AKR1C2: variants seen among roughly 807,000 people sequenced by gnomAD.
The protein encoded by AKR1C2 is 3-alpha-HSD3.
AKR1C2 carries 27 observed loss-of-function variants against 39.8 expected under a neutral mutation model. The ratio of observed to expected loss-of-function variants is 0.68; its 90% CI spans 0.50 to 0.93. AKR1C2 has a LOEUF of 0.93. Ranked by LOEUF, AKR1C2 falls within the 40% of genes least tolerant of loss-of-function variation. The pLI is 0.00. For missense variants in AKR1C2, 263 were observed against 365.1 expected, an observed-to-expected ratio of 0.72 and a Z score of 2.28; for synonymous variants, 114 against 137.9, an observed-to-expected ratio of 0.83 and a Z score of 1.22.
intron 7 of AKR1C2, among the ~76,000 whole-genome samples, chr10:4,993,169 T>A (rs1261925137): frequency 6.6e-6 from 1 of 152,176 alleles, no homozygotes; most frequent in Non-Finnish European, 1.5e-5. Flanking sequence ...ATAAGATGAT[T>A]CAAAATTTTA....
chr10:5,014,348 C>T (rs1415885517), intron 1 of AKR1C2, among the ~76,000 whole-genome samples: 3 of 152,192 alleles, frequency 2.0e-5, no homozygotes, highest in African/African-American at 7.2e-5. Flanking sequence ...TCGTTTTTAG[C>T]ACAAAGGTCT....
At chr10:5,007,052 A>G (rs55829146), upstream of AKR1C2, among the ~76,000 whole-genome samples, 2 of 146,128 alleles carry the variant, frequency 1.4e-5, no homozygotes, top group African/African-American at 5.1e-5. Context: ...GATTACAGGC[A>G]TTAGCCACTG....
chr10:5,011,475 T>A (rs1344650015), intron 1 of AKR1C2, among the ~76,000 whole-genome samples: 1 of 152,236 alleles, frequency 6.6e-6, no homozygotes. Context: ...TACCTAGACT[T>A]CACTACAGAT....
rs139521690 is a variant in AKR1C2, at chr10:5,000,564, G to A, written c.355C>T (p.Pro119Ser). The change falls in exon 3 of 9, where the codon CCA (proline) becomes TCA (serine). Residue 119 changes from proline (P) to serine (S), a missense_variant. Around this residue, in one of 3 missense-constraint regions of AKR1C2, gnomAD observed 247 missense variants for 267.9 expected, o/e 0.92. Coordinates refer to ENST00000380753, the MANE Select transcript of AKR1C2 (RefSeq NM_001393392.1). Reference sequence around the variant, plus strand: ...AAGCTGCCTACCTTTACAGACACTGGAAAATGAATAAGATAGAGGTCAACA... The same window carrying A: ...AAGCTGCCTACCTTTACAGACACTGAAAAATGAATAAGATAGAGGTCAACA... ...DYVDLYLIHF[P>S]VSVKPGEEVI... is the part of the protein sequence containing the mutation. 3.1e-6 allele frequency: 5 copies of A among 1,613,800 alleles called. No individual in the cohort carries two copies. Among genetic ancestry groups the A allele is most frequent in the Non-Finnish European group, 4.2e-6 (5 of 1,179,866 alleles).
At chr10:4,993,561 T>C (rs1554772491) in intron 7 of AKR1C2, among the ~76,000 whole-genome samples, 1 of 152,126 alleles carries the variant, frequency 6.6e-6, no homozygotes, top group African/African-American at 2.4e-5. Flanking sequence ...AATATTGTGA[T>C]ATTCCCAATA....
intron 5 of AKR1C2, 188 bp from the exon 6 acceptor site, chr10:4,996,053 T>G (rs1837025412): frequency 1.4e-6 from 1 of 735,648 alleles, no homozygotes; most frequent in African/African-American, 1.8e-5. Flanking sequence ...GAAATGCTAT[T>G]TCTGAGCACA....
At chr10:5,011,915 A>C (rs1419284787) in intron 1 of AKR1C2, among the ~76,000 whole-genome samples, 7 of 152,356 alleles carry the variant, frequency 4.6e-5, no homozygotes, top group African/African-American at 1.7e-4. Flanking sequence ...CTTTGTCTGT[A>C]TAAGTTATAA....
intron 3 of AKR1C2, 115 bp downstream of exon 3, chr10:5,000,435 T>C (rs781986652): frequency 6.3e-7 from 1 of 1,596,894 alleles, no homozygotes; most frequent in Non-Finnish European, 8.5e-7. Flanking sequence ...AGGGCTCTTC[T>C]TCCATGTTAA....
At chr10:4,991,412 C>T (rs567199129) in intron 8 of AKR1C2, among the ~76,000 whole-genome samples, 28 of 152,086 alleles carry the variant, frequency 1.8e-4, no homozygotes, top group African/African-American at 2.4e-4. Context: ...ACAAGATTGA[C>T]GGAACTGCCT....
At chr10:5,001,738 G>T in intron 1 of AKR1C2, 57 bp from the exon 2 acceptor site, 3 of 1,607,340 alleles carry the variant, frequency 1.9e-6, no homozygotes, top group East Asian at 2.2e-5. Context: ...AGTTAGTTCG[G>T]GCACAAGCAG....
intron 1 of AKR1C2, among the ~76,000 whole-genome samples, chr10:5,012,493 A>G (rs1170957677): frequency 6.6e-6 from 1 of 150,588 alleles, no homozygotes; most frequent in African/African-American, 2.5e-5. Flanking sequence ...AGGATGTGTA[A>G]GGAAAGACCC....
At chr10:5,000,165 C>T (rs1318735093) in intron 3 of AKR1C2, 5 of 1,343,422 alleles carry the variant, frequency 3.7e-6, no homozygotes, top group Non-Finnish European at 4.8e-6. Context: ...AAGATGGAAA[C>T]TCATTGTGCA....
At position 5,014,444 on chromosome 10, in the gene AKR1C2, C is replaced by A. The variant is rs1238198586; in HGVS notation, c.-88+3456G>T. Among the ~76,000 whole-genome samples the A allele has an allele frequency of 2.0e-5, 3 of 152,000 alleles. No homozygotes were observed. In the East Asian group the frequency reaches 5.8e-4, roughly 29 times the overall value. On this transcript the variant is annotated intron_variant, in intron 1 of 6. Coordinates refer to the AKR1C2 transcript ENST00000604507. Reference sequence around the variant, plus strand: ...AAGAAAGTTAATGAGGCATCTCATCCGAAATGCATGCTATCATGTGTATAT... The same window carrying A: ...AAGAAAGTTAATGAGGCATCTCATCAGAAATGCATGCTATCATGTGTATAT...
At chr10:4,999,431 T>C in intron 3 of AKR1C2, 154 bp from the exon 4 acceptor site, 1 of 1,533,656 alleles carries the variant, frequency 6.5e-7, no homozygotes, top group South Asian at 1.2e-5. Context: ...CATATGAAGG[T>C]ATAAGGAATG....
intron 1 of AKR1C2, among the ~76,000 whole-genome samples, chr10:5,002,626 T>C (rs781968453): frequency 7.9e-5 from 12 of 152,220 alleles, no homozygotes; most frequent in African/African-American, 2.7e-4. Context: ...TATTGACTTA[T>C]GTAACAAATT....
At chr10:5,013,410 C>A (rs527882920) in intron 1 of AKR1C2, 1 of 153,410 alleles carries the variant, frequency 6.5e-6, no homozygotes, top group East Asian at 1.9e-4. Context: ...TAAAGCACAA[C>A]ATACTGAACA....
intron 1 of AKR1C2, among the ~76,000 whole-genome samples, chr10:5,016,774 T>C (rs1365270654): frequency 1.1e-4 from 16 of 152,350 alleles, no homozygotes; most frequent in African/African-American, 3.6e-4. Context: ...GAAGAAGTTC[T>C]CCATGAGTGT....
At chr10:4,991,463 T>G (rs1209778770) in intron 8 of AKR1C2, among the ~76,000 whole-genome samples, 5 of 152,086 alleles carry the variant, frequency 3.3e-5, no homozygotes, top group Non-Finnish European at 7.4e-5. Context: ...AAGAACAAGA[T>G]AGAAGCACAG....
Position 5,000,551 on chromosome 10 carries a change from T to A in AKR1C2, c.368A>T (p.Lys123Met). ...LYLIHFPVSV[K>M]PGEEVIPKDE... ...AATTTGATCACACAAGCTGCCTACCTTTACAGACACTGGAAAATGAATAAG... is the reference window on the plus strand; with the variant it reads ...AATTTGATCACACAAGCTGCCTACCATTACAGACACTGGAAAATGAATAAG... The change falls in exon 3 of 9, where the codon AAG becomes ATG. Residue 123 changes from lysine to methionine, a missense_variant and splice_region_variant. By Grantham distance (95) the Lys-to-Met change is moderately conservative (BLOSUM62 -1). Coordinates refer to ENST00000380753, the MANE Select transcript of AKR1C2 (RefSeq NM_001393392.1). 6.2e-7 allele frequency: 1 copy of A among 1,613,832 alleles called. No individual in the cohort carries two copies. Among genetic ancestry groups the A allele is most frequent in the Non-Finnish European group, 8.5e-7 (1 of 1,179,834 alleles).
Sources: gnomAD v4.1 joint callset for allele counts (sites outside exome capture counted in the v4.1 genomes callset) on GRCh38, gnomAD v4.1.1 for gene constraint, gnomAD v4.1.1 regional missense constraint, MANE v1.5 for transcripts, NCBI Gene and HGNC (gene_info 2026-07-23, HGNC 2026-07-21) for gene names.